SPOCK3: variants seen among roughly 807,000 people sequenced by gnomAD.
SPOCK3 encodes the protein testican-3.
SPOCK3 carries 30 observed loss-of-function variants against 56.6 expected under a neutral mutation model. That is an observed-to-expected ratio of 0.53 (90% CI 0.40 to 0.72). SPOCK3 has a LOEUF of 0.72. Ranked by LOEUF, SPOCK3 falls within the 30% of genes least tolerant of loss-of-function variation. The pLI, the probability that SPOCK3 is intolerant of heterozygous loss-of-function variation, is 0.00. For missense variants in SPOCK3, 527 were observed against 530.0 expected (o/e 0.99, Z 0.06); for synonymous variants, 196 against 183.3 (o/e 1.07, Z -0.56).
At chr4:166,872,055 T>C (rs62354066) in intron 6 of SPOCK3, among the ~76,000 whole-genome samples, 1 of 148,968 alleles carries the variant, frequency 6.7e-6, no homozygotes, top group African/African-American at 2.5e-5. Context: ...CACACAAACA[T>C]ACACACACAC....
chr4:166,908,051 C>G (rs1736817843), intron 5 of SPOCK3, among the ~76,000 whole-genome samples: 2 of 152,074 alleles, frequency 1.3e-5, no homozygotes, highest in South Asian at 4.2e-4. Flanking sequence ...ACATACCAAA[C>G]TTCTCATGAT....
intron 4 of SPOCK3, among the ~76,000 whole-genome samples, chr4:166,971,435 T>C: frequency 6.6e-6 from 1 of 152,214 alleles, no homozygotes; most frequent in South Asian, 2.1e-4. Flanking sequence ...TATTTTGTAC[T>C]TACATTCATG....
At chr4:166,956,680 G>T (rs533437239) in intron 4 of SPOCK3, among the ~76,000 whole-genome samples, 29 of 152,152 alleles carry the variant, frequency 1.9e-4, no homozygotes, top group Non-Finnish European at 3.8e-4. Context: ...GGAGAGTACC[G>T]TATTACCAAA....
intron 3 of SPOCK3, among the ~76,000 whole-genome samples, chr4:167,026,052 G>C (rs915138451): frequency 6.6e-6 from 1 of 152,046 alleles, no homozygotes; most frequent in Non-Finnish European, 1.5e-5. Flanking sequence ...ACGTTACCAT[G>C]GCTATGACAT....
At chr4:166,910,257 C>G (rs1737121714) in intron 5 of SPOCK3, among the ~76,000 whole-genome samples, 1 of 152,006 alleles carries the variant, frequency 6.6e-6, no homozygotes, top group Non-Finnish European at 1.5e-5. Flanking sequence ...TTATTAAAGA[C>G]CCATATTCAC....
chr4:166,908,598 G>A (rs1736891857), intron 5 of SPOCK3, among the ~76,000 whole-genome samples: 1 of 151,262 alleles, frequency 6.6e-6, no homozygotes, highest in Non-Finnish European at 1.5e-5. Context: ...AGGAATTCAT[G>A]ATTGTTTAGT....
chr4:166,860,521 A>G (rs1483396017), intron 6 of SPOCK3, among the ~76,000 whole-genome samples: 1 of 151,944 alleles, frequency 6.6e-6, no homozygotes, highest in African/African-American at 2.4e-5. Flanking sequence ...CTGCAAATAG[A>G]AATACTGAGA....
intron 2 of SPOCK3, among the ~76,000 whole-genome samples, chr4:167,119,236 T>C (rs1291089743): frequency 5.3e-5 from 8 of 152,156 alleles, no homozygotes; most frequent in Non-Finnish European, 1.2e-4. Context: ...AAATTCCTAT[T>C]GATTATGTTG....
intron 7 of SPOCK3, among the ~76,000 whole-genome samples, chr4:166,771,050 A>G (rs1378979330): frequency 6.7e-6 from 1 of 148,962 alleles, no homozygotes; most frequent in Non-Finnish European, 1.5e-5. Flanking sequence ...GATAGATTAT[A>G]TAAATATAAT....
chr4:167,044,552 T>C (rs938189169), intron 3 of SPOCK3, among the ~76,000 whole-genome samples: 1 of 152,106 alleles, frequency 6.6e-6, no homozygotes, highest in African/African-American at 2.4e-5. Context: ...CATTCAATGG[T>C]ATAAACTTCT....
At chr4:166,823,428 T>C (rs1196114638) in intron 6 of SPOCK3, among the ~76,000 whole-genome samples, 3 of 152,086 alleles carry the variant, frequency 2.0e-5, no homozygotes, top group South Asian at 4.1e-4. Context: ...TAAACTTTCA[T>C]TGTGTGAAGT....
At chr4:166,931,766 G>A (rs28594115) in intron 4 of SPOCK3, among the ~76,000 whole-genome samples, 62,735 of 151,950 alleles carry the variant, frequency 0.41, 15,362 homozygotes, top group African/African-American at 0.68. Context: ...CTGATTTTAG[G>A]ACAGGGACAT....
intron 2 of SPOCK3, among the ~76,000 whole-genome samples, chr4:167,084,429 C>T (rs370835473): frequency 6.6e-6 from 1 of 151,892 alleles, no homozygotes; most frequent in African/African-American, 2.4e-5. Context: ...ATAAGTTCAC[C>T]ATTGATACTC....
At chr4:166,999,376 C>T (rs1748723287) in intron 4 of SPOCK3, among the ~76,000 whole-genome samples, 1 of 152,094 alleles carries the variant, frequency 6.6e-6, no homozygotes, top group Admixed American at 6.6e-5. Flanking sequence ...TGAGAAACAT[C>T]AATGTAACTT....
chr4:167,148,599 T>A (rs377326675), intron 2 of SPOCK3, among the ~76,000 whole-genome samples: 21 of 152,180 alleles, frequency 1.4e-4, no homozygotes, highest in African/African-American at 5.1e-4. Flanking sequence ...ATTTCTGTTA[T>A]AACTGATATC....
chr4:166,832,535 A>G (rs987418047), intron 6 of SPOCK3, among the ~76,000 whole-genome samples: 2 of 152,154 alleles, frequency 1.3e-5, no homozygotes, highest in Non-Finnish European at 2.9e-5. Context: ...AAGAGAACTA[A>G]CATTCAACCC....
intron 2 of SPOCK3, chr4:167,083,186 C>A: frequency 1.3e-6 from 1 of 764,972 alleles, no homozygotes. Flanking sequence ...ATTGAGATAG[C>A]TAGTCATAGA....
chr4:166,952,306 C>T (rs1742754860), intron 4 of SPOCK3, among the ~76,000 whole-genome samples: 1 of 152,080 alleles, frequency 6.6e-6, no homozygotes, highest in Non-Finnish European at 1.5e-5. Flanking sequence ...AACAGAGAGC[C>T]AAATCGTGAG....
chr4:167,089,696 G>T (rs1758536033), intron 2 of SPOCK3, among the ~76,000 whole-genome samples: 1 of 152,042 alleles, frequency 6.6e-6, no homozygotes, highest in South Asian at 2.1e-4. Flanking sequence ...CACATCAGTG[G>T]GTTGTATCAA....
Sources: allele counts gnomAD v4.1 joint callset (sites outside exome capture counted in the v4.1 genomes callset), GRCh38; gene constraint gnomAD v4.1.1; transcripts MANE v1.5; gene names NCBI Gene and HGNC (gene_info 2026-07-23, HGNC 2026-07-21).